Variants in CGNL1 observed in about 807,000 individuals in gnomAD.
CGNL1 encodes cingulin like 1.
In CGNL1, 132 loss-of-function variants were observed where a neutral mutation model predicts 141.2. The observed-to-expected ratio is 0.93, with a 90% CI of 0.81 to 1.08. The LOEUF (loss-of-function observed/expected upper bound fraction) is 1.08, where lower values mean the gene tolerates loss of function less well. CGNL1 is among the 50% of genes least tolerant of loss of function. The pLI, the probability that CGNL1 is intolerant of heterozygous loss-of-function variation, is 0.00. For synonymous variants in CGNL1, 690 were observed against 622.1 expected (o/e 1.11, Z -1.63); for missense variants, 1,870 against 1,588.6 (o/e 1.18, Z -3.01).
intron 10 of CGNL1, among the ~76,000 whole-genome samples, chr15:57,522,123 C>G (rs1280364): frequency 0.092 from 13,957 of 152,248 alleles, 1,489 homozygotes; most frequent in African/African-American, 0.26. Flanking sequence ...AATTCCCCCC[C>G]ACACTGAACT....
intron 7 of CGNL1, among the ~76,000 whole-genome samples, chr15:57,461,061 C>T (rs1449670978): frequency 6.6e-6 from 1 of 152,082 alleles, no homozygotes; most frequent in East Asian, 1.9e-4. Flanking sequence ...AATGCCGAGC[C>T]TTTGGCAGGA....
In CGNL1 at chr15:57,439,034, T is replaced by G. The variant is rs774086544; in HGVS notation, c.1035T>G (p.Ile345Met). Residue 345 changes from isoleucine to methionine, a missense_variant, in exon 2 of 19, where the codon ATT becomes ATG. Ile to Met is a conservative substitution (Grantham distance 10). Coordinates refer to ENST00000281282, the MANE Select transcript of CGNL1 (RefSeq NM_032866.5). ...IPFLPGTGRD[I>M]DTGSIPGVDQ... is the part of the protein sequence containing the mutation. ...TCCTGCCAGGAACTGGACGGGATAT[T>G]GATACAGGATCAATTCCTGGTGTGG... is the stretch of plus-strand genomic sequence containing the variant. 68 of 1,614,080 alleles carry G rather than the reference T, an allele frequency of 4.2e-5. No homozygotes were observed. The highest frequency in any genetic ancestry group is 1.2e-5 in the Non-Finnish European group (14 of 1,180,050).
intron 8 of CGNL1, among the ~76,000 whole-genome samples, chr15:57,467,209 G>T (rs2063520622): frequency 6.6e-6 from 1 of 152,128 alleles, no homozygotes; most frequent in Non-Finnish European, 1.5e-5. Flanking sequence ...TAACTCTCAA[G>T]CTGATTATAG....
At chr15:57,378,297 C>A (rs1236718834) in intron 1 of CGNL1, among the ~76,000 whole-genome samples, 1 of 149,912 alleles carries the variant, frequency 6.7e-6, no homozygotes, top group African/African-American at 2.5e-5. Context: ...AAATTTCCAC[C>A]CTGATGTTGC....
At chr15:57,401,090 A>G (rs1308701353) in intron 1 of CGNL1, among the ~76,000 whole-genome samples, 1 of 151,608 alleles carries the variant, frequency 6.6e-6, no homozygotes, top group Non-Finnish European at 1.5e-5. Flanking sequence ...TTTGGTACTG[A>G]TTTTTGTATT....
intron 1 of CGNL1, among the ~76,000 whole-genome samples, chr15:57,427,086 G>A (rs2062984417): frequency 6.6e-6 from 1 of 152,122 alleles, no homozygotes; most frequent in South Asian, 2.1e-4. Flanking sequence ...TTTGGGTTTG[G>A]GTAGTCCCCC....
Position 57,438,732 on chromosome 15 carries a change from G to T in CGNL1, c.733G>T (p.Val245Leu). 6.2e-7 allele frequency: 1 copy of T among 1,614,178 alleles called. No individual in the cohort carries two copies. Among genetic ancestry groups the T allele is most frequent in the Non-Finnish European group, 8.5e-7 (1 of 1,180,034 alleles). The change falls in exon 2 of 19, where the codon GTG (valine) becomes TTG (leucine). Residue 245 changes from valine to leucine, a missense_variant. Val to Leu is a conservative substitution (Grantham distance 32, BLOSUM62 1). Transcript: ENST00000281282. ...CGTTCAGAGCTGCACCAAGGAGAGG[G>T]TGGGAGAGGAGGCCCTTTTCACTAG... ...VNVQSCTKER[V>L]GEEALFTSGR...
intron 8 of CGNL1, among the ~76,000 whole-genome samples, chr15:57,468,809 G>T (rs556096821): frequency 2.0e-5 from 3 of 152,270 alleles, no homozygotes; most frequent in East Asian, 3.9e-4. Context: ...GAATCATGGG[G>T]GTGGTTTCCC....
At chr15:57,502,204 G>GT (rs1383833748) in intron 8 of CGNL1, among the ~76,000 whole-genome samples, 1 of 152,188 alleles carries the variant, frequency 6.6e-6, no homozygotes, top group Non-Finnish European at 1.5e-5. Context: ...TGGGTTTTAA[G>GT]TTTTTGGAAG....
intron 14 of CGNL1, among the ~76,000 whole-genome samples, chr15:57,533,426 T>A (rs1224283192): frequency 6.6e-6 from 1 of 152,206 alleles, no homozygotes; most frequent in Non-Finnish European, 1.5e-5. Context: ...GATGAGCCCC[T>A]GCCAGCCTGG....
rs56793548 is a variant in CGNL1 at position 57,498,245 on chromosome 15, G to GTTTTTTTT, written c.2404-18522_2404-18515dup. On this transcript the variant is annotated intron_variant, in intron 8 of 18. Coordinates refer to ENST00000281282, the MANE Select transcript of CGNL1 (RefSeq NM_032866.5). Reference sequence around the variant, plus strand: ...CATACTTAGGTTGATTGGGGAAACAGTTTTTTTTTTTTTTTTTTTTGGAGA... The same window carrying GTTTTTTTT: ...CATACTTAGGTTGATTGGGGAAACAGTTTTTTTTTTTTTTTTTTTTTTTTTTTTGGAGA... Among the ~76,000 whole-genome samples, 22 of 101,074 alleles carry GTTTTTTTT rather than the reference G, an allele frequency of 2.2e-4. 1 individual carries two copies. Among genetic ancestry groups the GTTTTTTTT allele is most frequent in the East Asian group, 7.0e-4 (2 of 2,854 alleles). The allele number at this position is 101,074 out of a possible 152,430, so 66.3% of individuals were successfully genotyped here.
intron 12 of CGNL1, among the ~76,000 whole-genome samples, chr15:57,525,736 T>A (rs1303523503): frequency 2.6e-5 from 4 of 152,132 alleles, no homozygotes; most frequent in Non-Finnish European, 5.9e-5. Context: ...GTGCTGAAAC[T>A]GTGTAAAAGA....
At chr15:57,436,197 T>G (rs1466685617) in intron 1 of CGNL1, among the ~76,000 whole-genome samples, 1 of 152,200 alleles carries the variant, frequency 6.6e-6, no homozygotes, top group African/African-American at 2.4e-5. Context: ...AACAGAACAT[T>G]GATTTTGTTG....
intron 1 of CGNL1, among the ~76,000 whole-genome samples, chr15:57,397,823 C>T (rs1377449652): frequency 6.6e-6 from 1 of 151,156 alleles, no homozygotes; most frequent in African/African-American, 2.4e-5. Flanking sequence ...CTCTCTGTCG[C>T]CCATGCTGGA....
chr15:57,391,915 A>T (rs1474670105), intron 1 of CGNL1, among the ~76,000 whole-genome samples: 1 of 151,946 alleles, frequency 6.6e-6, no homozygotes, highest in Non-Finnish European at 1.5e-5. Context: ...GCAAATCAGC[A>T]TGTATTCTGA....
At chr15:57,385,420 A>T (rs1432787532) in intron 1 of CGNL1, among the ~76,000 whole-genome samples, 1 of 152,200 alleles carries the variant, frequency 6.6e-6, no homozygotes, top group Non-Finnish European at 1.5e-5. Flanking sequence ...CTGCATTCCC[A>T]GCTTGGCTTG....
intron 8 of CGNL1, among the ~76,000 whole-genome samples, chr15:57,501,296 C>G (rs2064020877): frequency 6.6e-6 from 1 of 152,216 alleles, no homozygotes; most frequent in African/African-American, 2.4e-5. Context: ...ACCTCAGTTT[C>G]CTCACTTAGA....
chr15:57,465,383 C>CTTTTT (rs11332989), intron 8 of CGNL1, among the ~76,000 whole-genome samples: 4 of 80,854 alleles, frequency 4.9e-5, no homozygotes, highest in African/African-American at 1.0e-4. Context: ...TAAAAACTGA[C>CTTTTT]TTTTTTTTTT....
chr15:57,452,118 A>G (rs2063329037), intron 5 of CGNL1, 23 bp from the exon 6 acceptor site: 3 of 1,606,182 alleles, frequency 1.9e-6, no homozygotes. Flanking sequence ...GAGGCTCTTT[A>G]AAATCACACT....
Sources: allele counts gnomAD v4.1 joint callset (sites outside exome capture counted in the v4.1 genomes callset), GRCh38; gene constraint gnomAD v4.1.1; transcripts MANE v1.5; gene names NCBI Gene and HGNC (gene_info 2026-07-23, HGNC 2026-07-21).